The following PRKRIP1 variants were observed in gnomAD, a reference collection of about 807,000 sequenced individuals.
The protein encoded by PRKRIP1 is PRKR-interacting protein 1.
Under a neutral mutation model 29.3 loss-of-function variants are expected in PRKRIP1, and 29 were observed. The ratio of observed to expected loss-of-function variants is 0.99; its 90% CI spans 0.74 to 1.35. The LOEUF is 1.35. PRKRIP1 is among the 40% of genes most tolerant of loss of function. The probability of loss-of-function intolerance (pLI) is 0.00; values close to 1 mark genes in which losing one functional copy is unlikely to be tolerated. For synonymous variants in PRKRIP1, 90 were observed against 85.1 expected (o/e 1.06, Z -0.32); for missense variants, 247 against 236.8 (o/e 1.04, Z -0.28).
intron 5 of PRKRIP1, among the ~76,000 whole-genome samples, chr7:102,420,770 A>G (rs1277047881): frequency 6.6e-6 from 1 of 152,202 alleles, no homozygotes; most frequent in East Asian, 1.9e-4. Context: ...GCTTTTGAAC[A>G]CTGACATGAC....
At chr7:102,422,634 G>A (rs13236158) in intron 5 of PRKRIP1, among the ~76,000 whole-genome samples, 5,900 of 151,984 alleles carry the variant, frequency 0.039, 154 homozygotes, top group Non-Finnish European at 0.056. Context: ...GAGCCACCAC[G>A]CCCAGCCTAA....
intron 5 of PRKRIP1, among the ~76,000 whole-genome samples, chr7:102,417,977 C>T (rs1390108984): frequency 1.3e-5 from 2 of 151,852 alleles, no homozygotes; most frequent in Non-Finnish European, 2.9e-5. Flanking sequence ...GTTTCCTGCC[C>T]TGGACCTGGG....
At position 102,404,751 on chromosome 7, in the gene PRKRIP1, G is replaced by A. The variant is rs1370348470; in HGVS notation, c.392+68G>A. On this transcript the variant is annotated intron_variant, in intron 4 of 5. Coordinates refer to ENST00000397912, the MANE Select transcript of PRKRIP1 (RefSeq NM_024653.4). ...GGTGGTGGCTGGGTGAGCTGTCCTTGCAGTCAGTAGTAGTTCCTCTGCATG... is the reference window on the plus strand; with the variant it reads ...GGTGGTGGCTGGGTGAGCTGTCCTTACAGTCAGTAGTAGTTCCTCTGCATG... 3.4e-6 allele frequency: 4 copies of A among 1,179,760 alleles called. No homozygotes were observed. In the Admixed American group the frequency reaches 7.3e-5, roughly 22 times the overall value. 73.1% of individuals were successfully genotyped at this position (1,179,760 alleles called of 1,614,324 possible).
At chr7:102,424,954 A>G in intron 5 of PRKRIP1, 60 bp from the exon 6 acceptor site, 1 of 1,547,710 alleles carries the variant, frequency 6.5e-7, no homozygotes, top group Middle Eastern at 1.7e-4. Flanking sequence ...TCCTCTTTGA[A>G]AGCACCCTTG....
intron 4 of PRKRIP1, 74 bp downstream of exon 4, chr7:102,404,757 A>C: frequency 9.0e-7 from 1 of 1,106,104 alleles, no homozygotes; most frequent in Non-Finnish European, 1.4e-6. Flanking sequence ...CCTTGCAGTC[A>C]GTAGTAGTTC....
chr7:102,416,002 A>T lies in PRKRIP1; in HGVS notation c.457+8504A>T, dbSNP rs144137575. The stretch of plus-strand genomic sequence containing the variant: ...CTCTGTTCACGCCGCCTGACTTCTC[A>T]TCTGACTGGAGAAGCTCTCTTCACC... On this transcript the variant is annotated intron_variant, in intron 5 of 5. Transcript: ENST00000397912. Among the ~76,000 whole-genome samples the T allele has an allele frequency of 3.9e-5, 6 of 152,330 alleles. No homozygotes were observed. In the East Asian group the frequency reaches 1.2e-3, roughly 29 times the overall value.
chr7:102,419,845 T>TG (rs1796645239), intron 5 of PRKRIP1, among the ~76,000 whole-genome samples: 13 of 142,718 alleles, frequency 9.1e-5, no homozygotes, highest in African/African-American at 3.0e-4. Flanking sequence ...TTTTGTGTTT[T>TG]TGTGTGTGTG....
intron 5 of PRKRIP1, among the ~76,000 whole-genome samples, chr7:102,419,896 T>TG (rs1796650797): frequency 1.4e-5 from 2 of 139,124 alleles, no homozygotes; most frequent in African/African-American, 5.6e-5. Context: ...TGTGTGTGTG[T>TG]TTTTGAGATG....
intron 1 of PRKRIP1, 42 bp downstream of exon 1, chr7:102,396,579 C>A (rs782622677): frequency 6.3e-7 from 1 of 1,582,492 alleles, no homozygotes; most frequent in Non-Finnish European, 8.6e-7. Context: ...CGAGGCCCAC[C>A]CCCTTCCTCT....
intron 3 of PRKRIP1, among the ~76,000 whole-genome samples, chr7:102,401,727 CTG>C (rs782030866): frequency 5.3e-5 from 8 of 152,016 alleles, no homozygotes; most frequent in Non-Finnish European, 1.0e-4. Context: ...GAGTGAAACT[CTG>C]TCTCAAAAAA....
intron 5 of PRKRIP1, among the ~76,000 whole-genome samples, chr7:102,411,674 C>T (rs1796385826): frequency 6.6e-6 from 1 of 152,104 alleles, no homozygotes; most frequent in African/African-American, 2.4e-5. Context: ...TGTGAACCAC[C>T]ACACCTGACC....
At chr7:102,399,784 G>A in intron 3 of PRKRIP1, 136 bp downstream of exon 3, 4 of 628,566 alleles carry the variant, frequency 6.4e-6, no homozygotes, top group Non-Finnish European at 1.1e-5. Flanking sequence ...GCCGAGGCAG[G>A]GGATCACCTG....
chr7:102,402,515 T>G (rs916693985), intron 3 of PRKRIP1, among the ~76,000 whole-genome samples: 1 of 152,034 alleles, frequency 6.6e-6, no homozygotes, highest in Admixed American at 6.6e-5. Context: ...AGAAACACTT[T>G]TATAAACTAT....
intron 3 of PRKRIP1, among the ~76,000 whole-genome samples, chr7:102,400,966 A>G (rs1796054724): frequency 6.6e-6 from 1 of 152,228 alleles, no homozygotes; most frequent in Non-Finnish European, 1.5e-5. Context: ...GAAGAAAAGC[A>G]TACACAAATA....
rs977039048 is a variant in PRKRIP1, at chr7:102,404,680, A to G, written c.389A>G (p.Lys130Arg). ...AEEQTAKRRK[K>R]RQKLKEKKLL... Reference sequence around the variant, plus strand: ...GAGCAGACCGCAAAGCGCCGGAAGAAGCGGTAAGCGGCATGGCCTAACTGT... The same window carrying G: ...GAGCAGACCGCAAAGCGCCGGAAGAGGCGGTAAGCGGCATGGCCTAACTGT... Residue 130 changes from lysine to arginine, a missense_variant, in exon 4 of 6, where the codon AAG (lysine) becomes AGG (arginine). By Grantham distance (26) the Lys-to-Arg change is conservative. Around this residue, in one of 3 missense-constraint regions of PRKRIP1, gnomAD observed 134 missense variants for 126.6 expected, o/e 1.06. Coordinates refer to ENST00000397912, the MANE Select transcript of PRKRIP1 (RefSeq NM_024653.4). 1 of 1,613,104 alleles carries G rather than the reference A, an allele frequency of 6.2e-7. No homozygotes were observed. The highest frequency in any genetic ancestry group is 1.7e-5 in the Admixed American group (1 of 59,938).
intron 3 of PRKRIP1, among the ~76,000 whole-genome samples, chr7:102,401,006 G>A (rs1796055637): frequency 6.6e-6 from 1 of 152,190 alleles, no homozygotes; most frequent in South Asian, 2.1e-4. Context: ...GTGCATGCTT[G>A]AATGTTCAAG....
In PRKRIP1 at chr7:102,425,437, C is replaced by T; in HGVS notation, c.*326C>T. On this transcript the variant is annotated 3_prime_UTR_variant, in exon 6 of 6. Transcript: ENST00000397912. ...AAGGGAACGTTTATTTAGTAAAGAGCAGAACACCCTTGCGTTTTGTTGGGA... is the reference window on the plus strand; with the variant it reads ...AAGGGAACGTTTATTTAGTAAAGAGTAGAACACCCTTGCGTTTTGTTGGGA... 2.7e-6 allele frequency: 1 copy of T among 368,990 alleles called. No individual in the cohort carries two copies. The highest frequency in any genetic ancestry group is 5.0e-6 in the Non-Finnish European group (1 of 198,432). 22.9% of individuals were successfully genotyped at this position (368,990 alleles called of 1,614,324 possible).
intron 3 of PRKRIP1, chr7:102,404,255 T>TGATGAGC (rs1554571556): frequency 1.1e-5 from 2 of 188,758 alleles, no homozygotes; most frequent in Non-Finnish European, 2.2e-5. Flanking sequence ...CCATTCATTC[T>TGATGAGC]GATGAGCTCT....
chr7:102,399,601 C>G lies in PRKRIP1; in HGVS notation c.259C>G (p.Arg87Gly). The G allele has an allele frequency of 1.2e-6, 2 of 1,614,100 alleles. No individual in the cohort carries two copies. The highest frequency in any genetic ancestry group is 1.7e-6 in the Non-Finnish European group (2 of 1,180,020). Residue 87 changes from arginine (R) to glycine (G), a missense_variant, in exon 3 of 6, where the codon CGG becomes GGG. Transcript: ENST00000397912. ...GTTCCACGTGTACAGACATCTGCGC[C>G]GGAGAGAATATCAGCGACAGGACTA... Reference protein sequence around the residue: ...GEFHVYRHLRRREYQRQDYMD... With the variant: ...GEFHVYRHLRGREYQRQDYMD...
Sources: allele counts gnomAD v4.1 joint callset (sites outside exome capture counted in the v4.1 genomes callset), GRCh38; gene constraint gnomAD v4.1.1; regional missense constraint gnomAD v4.1.1; transcripts MANE v1.5; gene names NCBI Gene and HGNC (gene_info 2026-07-23, HGNC 2026-07-21).